The following LIN52 variants were observed in gnomAD, a reference collection of about 807,000 sequenced individuals.
LIN52 encodes lin-52 DREAM MuvB core complex component.
In LIN52, 4 loss-of-function variants were observed where a neutral mutation model predicts 18.5. That is an observed-to-expected ratio of 0.22 (90% CI 0.11 to 0.49). LIN52 has a LOEUF of 0.49. Among genes scored for constraint, LIN52 ranks in the 20% least tolerant of loss-of-function variants. LIN52 has a pLI of 0.97. For missense variants in LIN52, 102 were observed against 139.5 expected (o/e 0.73, Z 1.35); for synonymous variants, 34 against 45.5 (o/e 0.75, Z 1.02).
chr14:74,091,917 G>T (rs2060774727), intron 2 of LIN52, among the ~76,000 whole-genome samples: 1 of 151,950 alleles, frequency 6.6e-6, no homozygotes. Flanking sequence ...ATAGCTGTTT[G>T]GTGGTTTAAT....
intron 1 of LIN52, among the ~76,000 whole-genome samples, chr14:74,086,540 G>A (rs2060733192): frequency 6.6e-6 from 1 of 152,108 alleles, no homozygotes; most frequent in South Asian, 2.1e-4. Context: ...TGTAGTCCCA[G>A]CTACTTGGGG....
intron 5 of LIN52, among the ~76,000 whole-genome samples, chr14:74,183,292 G>A (rs1224023248): frequency 6.6e-6 from 1 of 151,924 alleles, no homozygotes; most frequent in Non-Finnish European, 1.5e-5. Flanking sequence ...GTAGAGACGG[G>A]GATTCACCAT....
intron 5 of LIN52, among the ~76,000 whole-genome samples, chr14:74,127,576 A>G (rs1419104323): frequency 6.6e-6 from 1 of 152,178 alleles, no homozygotes; most frequent in Non-Finnish European, 1.5e-5. Flanking sequence ...TCAGTTTCTG[A>G]TCATGTAAAA....
chr14:74,198,934 C>A lies in LIN52; in HGVS notation c.296C>A (p.Thr99Lys). Reference sequence around the variant, plus strand: ...TTTGTGATTCCAGCCAGAGAGATGACACGGGGGAAATTCCTCAATATTCTA... The same window carrying A: ...TTTGTGATTCCAGCCAGAGAGATGAAACGGGGGAAATTCCTCAATATTCTA... ...QLGLDESREM[T>K]RGKFLNILEK... The change falls in exon 6 of 6, where the codon ACA becomes AAA. Residue 99 changes from threonine (T) to lysine (K), a missense_variant. By Grantham distance (78) the Thr-to-Lys change is moderately conservative. Coordinates refer to ENST00000555028, the MANE Select transcript of LIN52 (RefSeq NM_001024674.3). The A allele has an allele frequency of 6.2e-7, 1 of 1,612,110 alleles. No homozygotes were observed. The highest frequency in any genetic ancestry group is 8.5e-7 in the Non-Finnish European group (1 of 1,178,422).
intron 5 of LIN52, among the ~76,000 whole-genome samples, chr14:74,108,789 A>G (rs925124347): frequency 4.7e-4 from 71 of 152,164 alleles, no homozygotes; most frequent in African/African-American, 4.8e-4. Context: ...AAACATATAT[A>G]TGTTATTATC....
chr14:74,085,098 T>G, intron 1 of LIN52, 105 bp downstream of exon 1: 1 of 1,061,772 alleles, frequency 9.4e-7, no homozygotes, highest in Non-Finnish European at 1.3e-6. Context: ...TCTTGGGCTC[T>G]TCTCCTTTCC....
chr14:74,170,034 GA>G (rs2061264115), intron 5 of LIN52, among the ~76,000 whole-genome samples: 1 of 152,222 alleles, frequency 6.6e-6, no homozygotes, highest in Non-Finnish European at 1.5e-5. Flanking sequence ...GAATACGAAA[GA>G]GGGGAGGAGT....
At chr14:74,120,344 C>T (rs1444308397) in intron 5 of LIN52, among the ~76,000 whole-genome samples, 6 of 151,878 alleles carry the variant, frequency 4.0e-5, no homozygotes, top group Non-Finnish European at 5.9e-5. Context: ...TTTGGCCAGG[C>T]GCAGTGGCTC....
At chr14:74,101,775 A>G (rs1352916225) in intron 5 of LIN52, among the ~76,000 whole-genome samples, 2 of 152,110 alleles carry the variant, frequency 1.3e-5, no homozygotes, top group Non-Finnish European at 2.9e-5. Context: ...TTCTTTATAC[A>G]GTAAAAGTAT....
chr14:74,111,074 G>A (rs765963208), intron 5 of LIN52, among the ~76,000 whole-genome samples: 1 of 152,064 alleles, frequency 6.6e-6, no homozygotes, highest in Non-Finnish European at 1.5e-5. Context: ...TACTTTATTT[G>A]ATGGTAGTAA....
At chr14:74,119,305 GCGCCC>G (rs2060984053) in intron 5 of LIN52, among the ~76,000 whole-genome samples, 1 of 148,096 alleles carries the variant, frequency 6.8e-6, no homozygotes, top group South Asian at 2.1e-4. Context: ...AGGACTACAG[GCGCCC>G]CCCCACCACG....
chr14:74,162,718 C>G (rs1298459190), intron 5 of LIN52, among the ~76,000 whole-genome samples: 1 of 151,942 alleles, frequency 6.6e-6, no homozygotes, highest in African/African-American at 2.4e-5. Flanking sequence ...TCATGTATGA[C>G]TAATTTTCTC....
intron 5 of LIN52, among the ~76,000 whole-genome samples, chr14:74,119,347 G>A (rs2060984574): frequency 6.6e-6 from 1 of 151,654 alleles, no homozygotes; most frequent in Admixed American, 6.6e-5. Flanking sequence ...TGTATTTTTA[G>A]TAGAGACAGG....
At chr14:74,153,925 G>A (rs905485794) in intron 5 of LIN52, among the ~76,000 whole-genome samples, 3 of 152,120 alleles carry the variant, frequency 2.0e-5, no homozygotes, top group African/African-American at 7.2e-5. Flanking sequence ...GATTTAGTTT[G>A]TAAATTGTCA....
chr14:74,111,022 A>T (rs1480353346), intron 5 of LIN52, among the ~76,000 whole-genome samples: 1 of 152,200 alleles, frequency 6.6e-6, no homozygotes, highest in Non-Finnish European at 1.5e-5. Flanking sequence ...TTATCCCATT[A>T]ATCTACATTG....
Position 74,156,987 on chromosome 14 carries a change from T to C in LIN52, c.284-41935T>C, listed in dbSNP as rs571705407. ...GGAATGACCAAATTTCATTCTTTTGTATGGCTAAGTAGTATTTCATTATGT... is the reference window on the plus strand; with the variant it reads ...GGAATGACCAAATTTCATTCTTTTGCATGGCTAAGTAGTATTTCATTATGT... On this transcript the variant is annotated intron_variant, in intron 5 of 5. Coordinates refer to ENST00000555028, the MANE Select transcript of LIN52 (RefSeq NM_001024674.3). Among the ~76,000 whole-genome samples, 6 of 152,238 alleles carry C rather than the reference T, an allele frequency of 3.9e-5. No homozygotes were observed. The South Asian group carries it at 1.0e-3, about 26-fold the overall frequency.
chr14:74,190,964 C>T (rs1354971560), intron 5 of LIN52, among the ~76,000 whole-genome samples: 2 of 152,218 alleles, frequency 1.3e-5, no homozygotes, highest in Non-Finnish European at 2.9e-5. Context: ...ACAGTGACTC[C>T]AGCACCAGCT....
At chr14:74,106,269 G>A (rs550058353) in intron 5 of LIN52, among the ~76,000 whole-genome samples, 8 of 151,924 alleles carry the variant, frequency 5.3e-5, no homozygotes, top group East Asian at 1.9e-4. Context: ...TACTGCTGCC[G>A]CATTGTTTTT....
chr14:74,157,462 T>A (rs1003083340), intron 5 of LIN52, among the ~76,000 whole-genome samples: 10 of 150,932 alleles, frequency 6.6e-5, no homozygotes, highest in African/African-American at 9.7e-5. Context: ...TATATATATT[T>A]TTTAATTAAT....
Sources: allele counts gnomAD v4.1 joint callset (sites outside exome capture counted in the v4.1 genomes callset), GRCh38; gene constraint gnomAD v4.1.1; transcripts MANE v1.5; gene names NCBI Gene and HGNC (gene_info 2026-07-23, HGNC 2026-07-21).